Variants in CASR observed in about 807,000 individuals in gnomAD.
CASR encodes the protein extracellular calcium-sensing receptor.
Under a neutral mutation model 69.1 loss-of-function variants are expected in CASR, and 23 were observed. The observed-to-expected ratio is 0.33, with a 90% CI of 0.24 to 0.47. CASR has a LOEUF of 0.47. Among genes scored for constraint, CASR ranks in the 20% least tolerant of loss-of-function variants. The pLI, the probability that CASR is intolerant of heterozygous loss-of-function variation, is 1.00. For synonymous variants in CASR, 541 were observed against 544.7 expected, an observed-to-expected ratio of 0.99 and a Z score of 0.10; for missense variants, 924 against 1,356.1, an observed-to-expected ratio of 0.68 and a Z score of 5.00.
At chr3:122,202,476 C>G (rs1395699291) in intron 1 of CASR, among the ~76,000 whole-genome samples, 1 of 135,078 alleles carries the variant, frequency 7.4e-6, no homozygotes, top group Non-Finnish European at 1.6e-5. Flanking sequence ...GAGAGGGAGA[C>G]CGTGGGGAGA....
chr3:122,240,611 A>C (rs1273062346), intron 1 of CASR, among the ~76,000 whole-genome samples: 1 of 152,216 alleles, frequency 6.6e-6, no homozygotes. Context: ...CACTTTCAGC[A>C]TTGGACTGAT....
intron 1 of CASR, among the ~76,000 whole-genome samples, chr3:122,190,151 C>T (rs935155101): frequency 3.9e-5 from 6 of 152,092 alleles, no homozygotes; most frequent in Admixed American, 2.0e-4. Context: ...CAGCTTCAGG[C>T]TTCCAGTCCA....
chr3:122,264,409 T>C (rs2074663223), intron 4 of CASR, among the ~76,000 whole-genome samples: 2 of 152,320 alleles, frequency 1.3e-5, no homozygotes, highest in South Asian at 4.1e-4. Context: ...TCCTAAGTCA[T>C]GGATCCATCC....
chr3:122,248,708 G>A (rs977536064), intron 1 of CASR, among the ~76,000 whole-genome samples: 3 of 151,582 alleles, frequency 2.0e-5, no homozygotes, highest in Non-Finnish European at 2.9e-5. Flanking sequence ...GAAGGTCTGC[G>A]CCTGGGTTTT....
At chr3:122,214,927 G>T (rs2074102421) in intron 1 of CASR, among the ~76,000 whole-genome samples, 1 of 152,174 alleles carries the variant, frequency 6.6e-6, no homozygotes, top group Admixed American at 6.5e-5. Context: ...AACCACAGAA[G>T]TGTGGAATGC....
rs186583604 is a variant in CASR at position 122,221,236 on chromosome 3, C to G, written c.-242-32712C>G. Reference sequence around the variant, plus strand: ...TTTTCCATATATTTTTGATCAAGAACACTTTGGGAAATGCTACTTTAAGAT... The same window carrying G: ...TTTTCCATATATTTTTGATCAAGAAGACTTTGGGAAATGCTACTTTAAGAT... On this transcript the variant is annotated intron_variant, in intron 1 of 6. Transcript: ENST00000639785. Among the ~76,000 whole-genome samples the G allele has an allele frequency of 1.1e-3, 174 of 152,238 alleles. 1 individual carries two copies. Among genetic ancestry groups the G allele is most frequent in the Middle Eastern group, 3.4e-3 (1 of 292 alleles).
At chr3:122,229,942 G>T (rs571786408) in intron 1 of CASR, among the ~76,000 whole-genome samples, 1 of 152,178 alleles carries the variant, frequency 6.6e-6, no homozygotes, top group African/African-American at 2.4e-5. Context: ...GTACATTTCT[G>T]TTCTACTGCT....
intron 1 of CASR, among the ~76,000 whole-genome samples, chr3:122,204,716 T>C (rs888998561): frequency 5.3e-5 from 8 of 152,304 alleles, no homozygotes; most frequent in African/African-American, 1.9e-4. Flanking sequence ...TTCCCCTTTC[T>C]CCTCATTCTC....
rs200174909 is a variant in CASR, at chr3:122,284,924, G to A, written c.2970G>A (p.Arg990=). Residue 990 remains arginine, a synonymous_variant, in exon 7 of 7, where the codon AGG becomes AGA. Coordinates refer to ENST00000639785, the MANE Select transcript of CASR (RefSeq NM_000388.4). ...CTCAGAAGAACGCCATGGCCCACAGGAATTCTACGCACCAGAACTCCCTGG... is the reference window on the plus strand; with the variant it reads ...CTCAGAAGAACGCCATGGCCCACAGAAATTCTACGCACCAGAACTCCCTGG... The part of the protein sequence containing the change: ...DEPQKNAMAH[R]NSTHQNSLEA... 5 of 1,614,176 alleles carry A rather than the reference G, an allele frequency of 3.1e-6. No individual in the cohort carries two copies. The highest frequency in any genetic ancestry group is 2.7e-5 in the African/African-American group (2 of 75,070).
chr3:122,264,925 C>G (rs921843110), intron 4 of CASR, among the ~76,000 whole-genome samples: 1 of 152,228 alleles, frequency 6.6e-6, no homozygotes, highest in African/African-American at 2.4e-5. Context: ...AAGTCTCCAG[C>G]TGGAACTCCA....
chr3:122,259,890 T>G (rs1331041224), intron 3 of CASR, among the ~76,000 whole-genome samples: 1 of 152,178 alleles, frequency 6.6e-6, no homozygotes, highest in Non-Finnish European at 1.5e-5. Flanking sequence ...GAAAATTAAT[T>G]GTTTTAAATG....
chr3:122,216,240 A>G (rs1281187852), intron 1 of CASR, among the ~76,000 whole-genome samples: 3 of 151,832 alleles, frequency 2.0e-5, no homozygotes, highest in Non-Finnish European at 4.4e-5. Context: ...TTCCCCTTGT[A>G]CTCTCCTTGG....
In CASR at chr3:122,262,000, T is replaced by G; in HGVS notation, c.965T>G (p.Leu322Arg). 6.2e-7 allele frequency: 1 copy of G among 1,614,246 alleles called. No individual in the cohort carries two copies. Among genetic ancestry groups the G allele is most frequent in the Non-Finnish European group, 8.5e-7 (1 of 1,180,038 alleles). ...GTTGGCGGCACCATTGGATTCGCTC[T>G]GAAGGCTGGGCAGATCCCAGGCTTC... Reference protein sequence around the residue: ...HVVGGTIGFALKAGQIPGFRE... With the variant: ...HVVGGTIGFARKAGQIPGFRE... Residue 322 changes from leucine to arginine, a missense_variant, in exon 4 of 7, where the codon CTG becomes CGG. Leu to Arg is a moderately radical substitution (Grantham distance 102, BLOSUM62 -2). Transcript: ENST00000639785.
chr3:122,267,482 G>A (rs928714258), intron 4 of CASR, among the ~76,000 whole-genome samples: 5 of 152,152 alleles, frequency 3.3e-5, no homozygotes, highest in African/African-American at 1.2e-4. Context: ...TTGTGGATAC[G>A]GAGAAGGATC....
chr3:122,266,255 A>T (rs2074692610), intron 4 of CASR, among the ~76,000 whole-genome samples: 1 of 151,900 alleles, frequency 6.6e-6, no homozygotes, highest in African/African-American at 2.4e-5. Context: ...ACCCTAAAAG[A>T]CCACAAGATG....
chr3:122,254,093 C>A lies in CASR; in HGVS notation c.-97C>A. The A allele has an allele frequency of 9.9e-7, 1 of 1,008,484 alleles. No homozygotes were observed. Among genetic ancestry groups the A allele is most frequent in the Non-Finnish European group, 1.6e-6 (1 of 632,260 alleles). The allele number at this position is 1,008,484 out of a possible 1,614,324, so 62.5% of individuals were successfully genotyped here. ...TATTAATCAATCTGTAGACATGTGTCCCCACTGCAGGGAGTGAACTGCTCC... is the reference window on the plus strand; with the variant it reads ...TATTAATCAATCTGTAGACATGTGTACCCACTGCAGGGAGTGAACTGCTCC... On this transcript the variant is annotated 5_prime_UTR_variant, in exon 2 of 7. Transcript: ENST00000639785.
chr3:122,201,427 G>A (rs984940937), intron 1 of CASR, among the ~76,000 whole-genome samples: 14 of 152,192 alleles, frequency 9.2e-5, no homozygotes, highest in South Asian at 6.2e-4. Context: ...GCAACCATCC[G>A]ATTTCTCAAT....
In CASR at chr3:122,284,718, G is replaced by C. The variant is rs780100490; in HGVS notation, c.2764G>C (p.Asp922His). The change falls in exon 7 of 7, where the codon GAC (aspartate) becomes CAC (histidine). Residue 922 changes from aspartate (D) to histidine (H), a missense_variant. Transcript: ENST00000639785. ...CATCAGCAGCAAGAGCAACAGCGAA[G>C]ACCCATTCCCACAGCCCGAGAGGCA... The part of the protein sequence containing the change: ...SSISSKSNSE[D>H]PFPQPERQKQ... The C allele has an allele frequency of 6.2e-7, 1 of 1,614,098 alleles. No homozygotes were observed. Among genetic ancestry groups the C allele is most frequent in the East Asian group, 2.2e-5 (1 of 44,870 alleles).
At chr3:122,261,123 A>G (rs2074616207) in intron 3 of CASR, among the ~76,000 whole-genome samples, 1 of 152,234 alleles carries the variant, frequency 6.6e-6, no homozygotes, top group Non-Finnish European at 1.5e-5. Flanking sequence ...CCAACAAGCC[A>G]AAGTTGTGTA....
Sources: gnomAD v4.1 joint callset for allele counts (sites outside exome capture counted in the v4.1 genomes callset) on GRCh38, gnomAD v4.1.1 for gene constraint, MANE v1.5 for transcripts, NCBI Gene and HGNC (gene_info 2026-07-23, HGNC 2026-07-21) for gene names.